Variants in CAMK1 observed in about 807,000 individuals in gnomAD.
CAMK1 encodes calcium/calmodulin dependent protein kinase I, also known as calcium/calmodulin-dependent protein kinase type 1.
A neutral mutation model predicts 49.1 loss-of-function variants in CAMK1; 39 were observed. The ratio of observed to expected loss-of-function variants is 0.79; its 90% CI spans 0.62 to 1.04. The LOEUF is 1.04. Ranked by LOEUF, CAMK1 falls within the 50% of genes least tolerant of loss-of-function variation. The pLI, the probability that CAMK1 is intolerant of heterozygous loss-of-function variation, is 0.00. For synonymous variants in CAMK1, 192 were observed against 185.2 expected (o/e 1.04, Z -0.30); for missense variants, 457 against 472.2 (o/e 0.97, Z 0.30).
chr3:9,761,859 A>G (rs2077892652), intron 5 of CAMK1, 102 bp from the exon 6 acceptor site: 4 of 1,504,490 alleles, frequency 2.7e-6, no homozygotes, highest in Middle Eastern at 4.5e-4. Flanking sequence ...TGGATCCCCA[A>G]AAGCCACTGT....
Position 9,757,923 on chromosome 3 carries a change from G to T in CAMK1, c.913-77C>A, listed in dbSNP as rs553428376. ...CAAGTCATGGGGCAGGGGCGCAGTG[G>T]GATTCTTGCAATTGTTCTGTTATTT... is the stretch of plus-strand genomic sequence containing the variant. On this transcript the variant is annotated intron_variant, in intron 10 of 11. Transcript: ENST00000256460. The surrounding 1 kb of genome is among the most constrained non-coding windows in gnomAD (Gnocchi z 4.5). 5.7e-5 allele frequency: 86 copies of T among 1,519,612 alleles called. No homozygotes were observed. The highest frequency in any genetic ancestry group is 1.5e-4 in the Admixed American group (7 of 45,914). The allele number at this position is 1,519,612 out of a possible 1,614,324, so 94.1% of individuals were successfully genotyped here.
intron 10 of CAMK1, chr3:9,758,635 T>C (rs1333977383): frequency 6.2e-6 from 1 of 162,002 alleles, no homozygotes; most frequent in Non-Finnish European, 1.3e-5. Context: ...TGAGAGCTCT[T>C]TCTTTTTTTT....
intron 1 of CAMK1, among the ~76,000 whole-genome samples, chr3:9,769,041 C>T (rs1349277347): frequency 6.6e-6 from 1 of 152,054 alleles, no homozygotes; most frequent in Non-Finnish European, 1.5e-5. Context: ...ACCTGCCTCC[C>T]AGATCCAGTA....
Position 9,757,649 on chromosome 3 carries a change from C to T in CAMK1, c.1031-28G>A, listed in dbSNP as rs764108930. On this transcript the variant is annotated intron_variant, in intron 11 of 11. Transcript: ENST00000256460. The surrounding 1 kb of genome is among the most constrained non-coding windows in gnomAD (Gnocchi z 4.5). ...GCATGGGAAGACAGAACAGAGGTGGCCGCAGGGGCAGGCCCTCCACTCCAG... is the reference window on the plus strand; with the variant it reads ...GCATGGGAAGACAGAACAGAGGTGGTCGCAGGGGCAGGCCCTCCACTCCAG... The T allele has an allele frequency of 3.0e-5, 49 of 1,614,104 alleles. No individual in the cohort carries two copies. Among genetic ancestry groups the T allele is most frequent in the Middle Eastern group, 3.3e-4 (2 of 6,060 alleles).
intron 10 of CAMK1, 174 bp downstream of exon 10, chr3:9,759,314 G>C (rs1440898540): frequency 2.5e-6 from 4 of 1,585,240 alleles, no homozygotes; most frequent in Non-Finnish European, 3.5e-6. Flanking sequence ...GAATAGAGAA[G>C]GTGTTGGGAG....
chr3:9,761,604 A>C, intron 6 of CAMK1, 27 bp downstream of exon 6: 1 of 1,613,894 alleles, frequency 6.2e-7, no homozygotes, highest in Non-Finnish European at 8.5e-7. Flanking sequence ...CCCCACCATC[A>C]CAGCCCCAGC....
In CAMK1 at chr3:9,769,843, C is replaced by T. The variant is rs2078263131; in HGVS notation, c.-44G>A. Reference sequence around the variant, plus strand: ...GGGCCCGGCTGTACCTGCGGCTGCCCCGCCGCGGGGCTGGCTGGGAGGCCC... The same window carrying T: ...GGGCCCGGCTGTACCTGCGGCTGCCTCGCCGCGGGGCTGGCTGGGAGGCCC... On this transcript the variant is annotated 5_prime_UTR_variant, in exon 1 of 12. Coordinates refer to ENST00000256460, the MANE Select transcript of CAMK1 (RefSeq NM_003656.5). The T allele has an allele frequency of 6.6e-6, 1 of 152,280 alleles. No homozygotes were observed. Among genetic ancestry groups the T allele is most frequent in the Non-Finnish European group, 1.5e-5 (1 of 68,098 alleles). The allele number at this position is 152,280 out of a possible 1,614,324, so 9.4% of individuals were successfully genotyped here.
chr3:9,767,664 C>G lies in CAMK1; in HGVS notation c.83+3G>C. Reference sequence around the variant, plus strand: ...CCAGCACCCAATCCTGCCCTGGACTCACGTGCCCAGAACATCTCGGAAGTC... The same window carrying G: ...CCAGCACCCAATCCTGCCCTGGACTGACGTGCCCAGAACATCTCGGAAGTC... On this transcript the variant is annotated splice_donor_region_variant and intron_variant, in intron 2 of 11. Coordinates refer to ENST00000256460, the MANE Select transcript of CAMK1 (RefSeq NM_003656.5). 6.2e-7 allele frequency: 1 copy of G among 1,614,176 alleles called. No homozygotes were observed. The highest frequency in any genetic ancestry group is 8.5e-7 in the Non-Finnish European group (1 of 1,180,034).
Position 9,759,586 on chromosome 3 carries a change from G to A in CAMK1, c.825-11C>T, listed in dbSNP as rs544171008. On this transcript the variant is annotated splice_polypyrimidine_tract_variant and intron_variant, in intron 9 of 11. Coordinates refer to ENST00000256460, the MANE Select transcript of CAMK1 (RefSeq NM_003656.5). ...GTATCTCCTGCAATCCTAGGATGGGGTTATGTGGTGGGTTGCCTATGAGGG... is the reference window on the plus strand; with the variant it reads ...GTATCTCCTGCAATCCTAGGATGGGATTATGTGGTGGGTTGCCTATGAGGG... The A allele has an allele frequency of 2.5e-6, 4 of 1,614,204 alleles. No homozygotes were observed. The highest frequency in any genetic ancestry group is 3.4e-6 in the Non-Finnish European group (4 of 1,180,040).
chr3:9,764,973 G>T (rs73021455), intron 3 of CAMK1, among the ~76,000 whole-genome samples: 31,426 of 151,820 alleles, frequency 0.21, 3,716 homozygotes, highest in East Asian at 0.55. Flanking sequence ...GGTGGCTCAT[G>T]CCTAGCACTT....
At chr3:9,766,080 C>T in intron 2 of CAMK1, 190 bp from the exon 3 acceptor site, 1 of 1,540,518 alleles carries the variant, frequency 6.5e-7, no homozygotes, top group Non-Finnish European at 8.8e-7. Context: ...AAAGTAGTCT[C>T]TCCCCTGGCC....
chr3:9,759,497 G>A lies in CAMK1; in HGVS notation c.903C>T (p.Ser301=), dbSNP rs1220095655. The change falls in exon 10 of 12, where the codon AGC becomes AGT. Residue 301 remains serine, a synonymous_variant. Coordinates refer to ENST00000256460, the MANE Select transcript of CAMK1 (RefSeq NM_003656.5). The part of the protein sequence containing the change: ...SEQIKKNFAK[S]KWKQAFNATA... ...AGGGATATGGACTCACCTTCCACTT[G>A]CTCTTGGCAAAGTTCTTCTTGATCT... 1 of 1,614,200 alleles carries A rather than the reference G, an allele frequency of 6.2e-7. No homozygotes were observed. The highest frequency in any genetic ancestry group is 1.7e-5 in the Admixed American group (1 of 60,026).
chr3:9,767,766 A>C lies in CAMK1; in HGVS notation c.-17T>G, dbSNP rs772792286. The C allele has an allele frequency of 2.5e-6, 4 of 1,613,560 alleles. No individual in the cohort carries two copies. In the Admixed American group the frequency reaches 5.0e-5, roughly 20 times the overall value. ...CCCCAGCATGGCCCACTGCCCCCCG[A>C]CCACAGCCAGGGCTCCTGTAAGGAG... is the stretch of plus-strand genomic sequence containing the variant. On this transcript the variant is annotated 5_prime_UTR_variant, in exon 2 of 12. Transcript: ENST00000256460.
Position 9,763,156 on chromosome 3 carries a change from G to T in CAMK1, c.273C>A (p.Leu91=). The change falls in exon 4 of 12, where the codon CTC becomes CTA. Residue 91 remains leucine, a synonymous_variant. Coordinates refer to ENST00000256460, the MANE Select transcript of CAMK1 (RefSeq NM_003656.5). The part of the protein sequence containing the change: ...LDDIYESGGH[L]YLIMQLVSGG... ...CCACTCACAGCTGCATGATGAGGTA[G>T]AGGTGGCCCCCACTCTCATAGATGT... 1 of 1,614,122 alleles carries T rather than the reference G, an allele frequency of 6.2e-7. No homozygotes were observed. The highest frequency in any genetic ancestry group is 8.5e-7 in the Non-Finnish European group (1 of 1,180,020).
rs543853407 is a variant in CAMK1 at position 9,763,086 on chromosome 3, G to T, written c.291-34C>A. On this transcript the variant is annotated intron_variant, in intron 4 of 11. Transcript: ENST00000256460. Reference sequence around the variant, plus strand: ...GGGGATAGGGCAGTCTGGCAAAGAGGGTTGGGACAGCTGGGAGAGGTGTGG... The same window carrying T: ...GGGGATAGGGCAGTCTGGCAAAGAGTGTTGGGACAGCTGGGAGAGGTGTGG... 4.8e-5 allele frequency: 78 copies of T among 1,614,144 alleles called. 1 individual carries two copies. In the South Asian group the frequency reaches 8.0e-4, roughly 17 times the overall value.
At chr3:9,768,999 A>G (rs1402747144) in intron 1 of CAMK1, among the ~76,000 whole-genome samples, 1 of 152,010 alleles carries the variant, frequency 6.6e-6, no homozygotes, top group African/African-American at 2.4e-5. Flanking sequence ...GACATGCCAC[A>G]CCAAGCCCCC....
At chr3:9,761,964 T>TAGA in intron 5 of CAMK1, 1 of 622,436 alleles carries the variant, frequency 1.6e-6, no homozygotes, top group Non-Finnish European at 2.7e-6. Flanking sequence ...GGGGGAACTG[T>TAGA]CTCTAAACCT....
At chr3:9,759,131 G>A (rs986137679) in intron 10 of CAMK1, 36 of 1,414,962 alleles carry the variant, frequency 2.5e-5, no homozygotes, top group Admixed American at 3.3e-5. Context: ...TGCACTTCCC[G>A]GAATGGCTAT....
chr3:9,763,304 G>A, intron 3 of CAMK1, 91 bp from the exon 4 acceptor site: 1 of 1,523,428 alleles, frequency 6.6e-7, no homozygotes, highest in Non-Finnish European at 9.0e-7. Flanking sequence ...GAGGCAGGAG[G>A]ATCACTTGGC....
Sources: gnomAD v4.1 joint callset for allele counts (sites outside exome capture counted in the v4.1 genomes callset) on GRCh38, gnomAD v4.1.1 for gene constraint, Gnocchi (gnomAD v3.1) non-coding constraint, MANE v1.5 for transcripts, NCBI Gene and HGNC (gene_info 2026-07-23, HGNC 2026-07-21) for gene names.